The following UBE3A variants were observed in gnomAD, a reference collection of about 807,000 sequenced individuals.
UBE3A encodes the protein ubiquitin-protein ligase E3A.
UBE3A carries 6 observed loss-of-function variants against 83.4 expected under a neutral mutation model. That is an observed-to-expected ratio of 0.07 (90% CI 0.04 to 0.14). The LOEUF (loss-of-function observed/expected upper bound fraction) is 0.14. UBE3A is among the 10% of genes least tolerant of loss of function. UBE3A has a pLI of 1.00. For synonymous variants in UBE3A, 337 were observed against 355.4 expected (o/e 0.95, Z 0.58); for missense variants, 456 against 1,036.1 (o/e 0.44, Z 7.69).
chr15:25,354,190 C>T (rs2076914262), intron 11 of UBE3A, 163 bp downstream of exon 11: 1 of 672,336 alleles, frequency 1.5e-6, no homozygotes, highest in South Asian at 1.8e-5. Flanking sequence ...ACAAGATTAG[C>T]TCTGAAAAAT....
rs12910695 is a variant in UBE3A, at chr15:25,376,266, T to C, written c.63-503A>G. Among the ~76,000 whole-genome samples the C allele has an allele frequency of 5.9e-5, 9 of 152,356 alleles. No homozygotes were observed. In the East Asian group the frequency reaches 1.7e-3, roughly 29 times the overall value. On this transcript the variant is annotated intron_variant, in intron 4 of 12. Transcript: ENST00000648336. ...CAGAATATCTATCTGGAATAAAAAC[T>C]ATTTTTCCCAATTATCAACAACATG...
Position 25,365,746 on chromosome 15 carries a change from T to TAAA in UBE3A, c.1608+4817_1608+4819dup, listed in dbSNP as rs36057934. Among the ~76,000 whole-genome samples the TAAA allele has an allele frequency of 8.1e-3, 881 of 109,384 alleles. 3 individuals are homozygous for TAAA. The highest frequency in any genetic ancestry group is 0.02 in the Middle Eastern group (4 of 196). The allele number at this position is 109,384 out of a possible 152,430, so 71.8% of individuals were successfully genotyped here. A position where few individuals can be genotyped will look rare whatever the true frequency, so the allele number is the denominator to read the frequency against. On this transcript the variant is annotated intron_variant, in intron 6 of 12. Coordinates refer to ENST00000648336, the MANE Select transcript of UBE3A (RefSeq NM_130839.5). ...CTGGGTGACAGAGCAAGACTCCGTC[T>TAAA]AAAAAAAAAAAAAAAAAAAGAGGAA...
At chr15:25,388,078 A>C (rs981338281) in intron 4 of UBE3A, among the ~76,000 whole-genome samples, 1 of 152,208 alleles carries the variant, frequency 6.6e-6, no homozygotes, top group African/African-American at 2.4e-5. Context: ...CCTTCAGAAG[A>C]CAGAAGCAAA....
chr15:25,431,508 A>G (rs1488148869), intron 1 of UBE3A, among the ~76,000 whole-genome samples: 1 of 151,998 alleles, frequency 6.6e-6, no homozygotes, highest in Non-Finnish European at 1.5e-5. Flanking sequence ...ACGCCTAGCT[A>G]ATTTTTGTAT....
chr15:25,396,966 G>A lies in UBE3A; in HGVS notation c.62+8495C>T, dbSNP rs535936643. ...CAAAATCATGCTTCAACAAATGTGG[G>A]ATGTTGCCATTAATGGACAGTTAGC... On this transcript the variant is annotated intron_variant, in intron 4 of 12. Transcript: ENST00000648336. Among the ~76,000 whole-genome samples the A allele has an allele frequency of 2.0e-5, 3 of 152,282 alleles. No homozygotes were observed. The East Asian group carries it at 5.8e-4, about 29-fold the overall frequency.
At chr15:25,416,868 A>G (rs1887136093) in intron 1 of UBE3A, among the ~76,000 whole-genome samples, 1 of 152,144 alleles carries the variant, frequency 6.6e-6, no homozygotes. Flanking sequence ...GTCTGCCTGG[A>G]GGTAATTTCC....
At chr15:25,394,128 T>A (rs1399879944) in intron 4 of UBE3A, among the ~76,000 whole-genome samples, 1 of 152,194 alleles carries the variant, frequency 6.6e-6, no homozygotes, top group African/African-American at 2.4e-5. Context: ...TGTAGTCTCA[T>A]ACCAACCAGT....
At chr15:25,428,401 C>T (rs1022139808) in intron 1 of UBE3A, among the ~76,000 whole-genome samples, 2 of 152,026 alleles carry the variant, frequency 1.3e-5, no homozygotes, top group African/African-American at 4.8e-5. Flanking sequence ...ACAAAAAGCA[C>T]AATCATAAAG....
At chr15:25,412,779 A>G (rs1005626815) in intron 1 of UBE3A, among the ~76,000 whole-genome samples, 3 of 151,656 alleles carry the variant, frequency 2.0e-5, no homozygotes, top group Non-Finnish European at 4.4e-5. Flanking sequence ...TACACTGCAT[A>G]TAAAACATTT....
chr15:25,344,834 A>G (rs1332475945), intron 11 of UBE3A, among the ~76,000 whole-genome samples: 1 of 152,168 alleles, frequency 6.6e-6, no homozygotes, highest in Non-Finnish European at 1.5e-5. Flanking sequence ...TTCCCCAAAC[A>G]GCCATTTTGC....
At position 25,363,667 on chromosome 15, in the gene UBE3A, T is replaced by A. The variant is rs548594981; in HGVS notation, c.1609-3140A>T. 1.8e-4 allele frequency among the ~76,000 whole-genome samples: 27 copies of A among 150,742 alleles called. No individual in the cohort carries two copies. The East Asian group carries it at 3.3e-3, about 18-fold the overall frequency. On this transcript the variant is annotated intron_variant, in intron 6 of 12. Coordinates refer to ENST00000648336, the MANE Select transcript of UBE3A (RefSeq NM_130839.5). ...CACTCTCTTCAATGACGACCAAAAATTTTTTTTTTAGGATTATGAGTGATT... is the reference window on the plus strand; with the variant it reads ...CACTCTCTTCAATGACGACCAAAAAATTTTTTTTTAGGATTATGAGTGATT...
chr15:25,339,843 T>C (rs2074431470), intron 12 of UBE3A: 1 of 527,738 alleles, frequency 1.9e-6, no homozygotes, highest in Non-Finnish European at 3.4e-6. Context: ...AAAAAGTAAA[T>C]GAATCACACT....
At chr15:25,360,679 G>A in intron 6 of UBE3A, 152 bp from the exon 7 acceptor site, 2 of 830,518 alleles carry the variant, frequency 2.4e-6, no homozygotes, top group Non-Finnish European at 3.8e-6. Context: ...TAAAAAGCCA[G>A]TGAAGACAAA....
intron 4 of UBE3A, among the ~76,000 whole-genome samples, chr15:25,382,467 G>C (rs2082349757): frequency 6.6e-6 from 1 of 151,128 alleles, no homozygotes; most frequent in Admixed American, 6.6e-5. Flanking sequence ...CTGTTTTACA[G>C]TGTCATATTT....
At chr15:25,398,500 CCT>C (rs1381049457) in intron 4 of UBE3A, among the ~76,000 whole-genome samples, 9 of 151,844 alleles carry the variant, frequency 5.9e-5, no homozygotes, top group Non-Finnish European at 1.2e-4. Flanking sequence ...ATTTTACATC[CCT>C]GAGTTAAGAT....
intron 6 of UBE3A, among the ~76,000 whole-genome samples, chr15:25,364,074 A>ATAAATAAAT (rs57025744): frequency 1.4e-5 from 2 of 147,892 alleles, no homozygotes; most frequent in East Asian, 2.0e-4. Flanking sequence ...AAATAAATAA[A>ATAAATAAAT]AAATAGTGGG....
chr15:25,401,406 G>T (rs2087049351), intron 4 of UBE3A, among the ~76,000 whole-genome samples: 1 of 152,128 alleles, frequency 6.6e-6, no homozygotes, highest in South Asian at 2.1e-4. Context: ...ATGTCTGCTA[G>T]AATTCAGCAG....
chr15:25,432,898 C>T (rs1254205887), intron 1 of UBE3A, among the ~76,000 whole-genome samples: 1 of 152,156 alleles, frequency 6.6e-6, no homozygotes, highest in Non-Finnish European at 1.5e-5. Context: ...ATTCCTTACA[C>T]GAGATTCCTG....
chr15:25,379,634 C>T (rs2081837817), intron 4 of UBE3A, among the ~76,000 whole-genome samples: 1 of 152,026 alleles, frequency 6.6e-6, no homozygotes, highest in Admixed American at 6.6e-5. Context: ...AAAAGGCATA[C>T]AAAATTTAGA....
Sources: allele counts gnomAD v4.1 joint callset (sites outside exome capture counted in the v4.1 genomes callset), GRCh38; gene constraint gnomAD v4.1.1; transcripts MANE v1.5; gene names NCBI Gene and HGNC (gene_info 2026-07-23, HGNC 2026-07-21).